Variants in ZDHHC7 observed in about 807,000 individuals in gnomAD.
ZDHHC7 encodes the protein zDHHC palmitoyltransferase 7, also known as palmitoyltransferase ZDHHC7.
In ZDHHC7, 12 loss-of-function variants were observed where a neutral mutation model predicts 34.1. The ratio of observed to expected loss-of-function variants is 0.35; its 90% CI spans 0.23 to 0.57. The LOEUF is 0.57. Ranked by LOEUF, ZDHHC7 falls within the 20% of genes least tolerant of loss-of-function variation. ZDHHC7 has a pLI of 0.84. For missense variants in ZDHHC7, 388 were observed against 402.7 expected, an observed-to-expected ratio of 0.96 and a Z score of 0.31; for synonymous variants, 185 against 155.4, an observed-to-expected ratio of 1.19 and a Z score of -1.42.
chr16:84,977,018 ATTG>A (rs1555513200), intron 7 of ZDHHC7, 74 bp downstream of exon 7: 1 of 1,578,032 alleles, frequency 6.3e-7, no homozygotes, highest in Non-Finnish European at 8.6e-7. Flanking sequence ...ACAGGCACCT[ATTG>A]TTGACATTAG....
chr16:84,982,838 A>T (rs1324181048), intron 3 of ZDHHC7, among the ~76,000 whole-genome samples: 1 of 152,222 alleles, frequency 6.6e-6, no homozygotes, highest in Non-Finnish European at 1.5e-5. Context: ...GAAGCAGCGG[A>T]AAGAGGAGTT....
intron 1 of ZDHHC7, among the ~76,000 whole-genome samples, chr16:84,998,162 G>T (rs1407660508): frequency 6.6e-6 from 1 of 151,398 alleles, no homozygotes; most frequent in Non-Finnish European, 1.5e-5. Context: ...TACTCGGGAG[G>T]CTGAGACAGG....
intron 3 of ZDHHC7, among the ~76,000 whole-genome samples, chr16:84,984,176 C>T (rs1327901138): frequency 6.6e-6 from 1 of 152,034 alleles, no homozygotes; most frequent in African/African-American, 2.4e-5. Context: ...TGCGCCACCA[C>T]ACCCGGCTAA....
chr16:84,982,625 T>C (rs1158203271), intron 3 of ZDHHC7, among the ~76,000 whole-genome samples: 1 of 152,192 alleles, frequency 6.6e-6, no homozygotes, highest in African/African-American at 2.4e-5. Flanking sequence ...AGGACTTTAA[T>C]TTCGTGTTGC....
the ZDHHC7 span, among the ~76,000 whole-genome samples, chr16:85,017,841 C>A: frequency 6.6e-6 from 1 of 152,256 alleles, no homozygotes; most frequent in South Asian, 2.1e-4. Flanking sequence ...GGAATGCGGG[C>A]GGACTCAAAA....
the ZDHHC7 span, among the ~76,000 whole-genome samples, chr16:85,024,010 C>T: frequency 2.0e-5 from 3 of 152,244 alleles, no homozygotes; most frequent in Non-Finnish European, 2.9e-5. Flanking sequence ...CTCCACCTCC[C>T]GGGTTCAAGC....
chr16:84,994,368 T>C (rs1179611731), intron 2 of ZDHHC7, among the ~76,000 whole-genome samples: 2 of 152,168 alleles, frequency 1.3e-5, no homozygotes, highest in African/African-American at 2.4e-5. Flanking sequence ...AGCTGAAAAA[T>C]TCCTCTGAGC....
intron 3 of ZDHHC7, among the ~76,000 whole-genome samples, chr16:84,982,926 C>A (rs913890623): frequency 2.0e-5 from 3 of 152,232 alleles, no homozygotes; most frequent in African/African-American, 7.2e-5. Flanking sequence ...CAACTGAGGA[C>A]CCGCTGTAGG....
At chr16:85,005,993 T>TA (rs970470300) in intron 1 of ZDHHC7, among the ~76,000 whole-genome samples, 31 of 152,312 alleles carry the variant, frequency 2.0e-4, no homozygotes, top group African/African-American at 7.5e-4. Context: ...CTCTAGCCTG[T>TA]ACCTCTGCAG....
intron 5 of ZDHHC7, chr16:84,978,223 G>C: frequency 2.5e-6 from 1 of 405,452 alleles, no homozygotes; most frequent in South Asian, 3.2e-5. Context: ...AGTAGAGATG[G>C]GGTTTCACCA....
chr16:84,990,236 G>C, intron 3 of ZDHHC7, 68 bp downstream of exon 3: 1 of 1,547,674 alleles, frequency 6.5e-7, no homozygotes, highest in African/African-American at 1.4e-5. Context: ...TCCTCCAAAG[G>C]GTCAGCCACA....
intron 3 of ZDHHC7, among the ~76,000 whole-genome samples, chr16:84,984,114 G>A (rs945955037): frequency 2.0e-5 from 3 of 151,630 alleles, no homozygotes; most frequent in African/African-American, 7.3e-5. Context: ...CTGCCTCCGG[G>A]GTTCAAGCGA....
At chr16:84,999,635 T>C (rs867704965) in intron 1 of ZDHHC7, among the ~76,000 whole-genome samples, 1 of 152,170 alleles carries the variant, frequency 6.6e-6, no homozygotes, top group South Asian at 2.1e-4. Context: ...TGTGATTCTA[T>C]GTGTATGATA....
chr16:85,026,952 G>A, the ZDHHC7 span, among the ~76,000 whole-genome samples: 1 of 152,292 alleles, frequency 6.6e-6, no homozygotes, highest in African/African-American at 2.4e-5. Flanking sequence ...GGGAGGGGCT[G>A]TCAGTTTATG....
chr16:84,976,210 C>G lies in ZDHHC7; in HGVS notation c.*133G>C. ...TCTGTGACTATAAATATATAAAACT[C>G]TGCTTGCTGCAAGCAATTGGTTTGT... On this transcript the variant is annotated 3_prime_UTR_variant, in exon 8 of 8. Transcript: ENST00000313732. 8.8e-7 allele frequency: 1 copy of G among 1,135,996 alleles called. No homozygotes were observed. Among genetic ancestry groups the G allele is most frequent in the South Asian group, 1.5e-5 (1 of 67,884 alleles). The allele number at this position is 1,135,996 out of a possible 1,614,324, so 70.4% of individuals were successfully genotyped here. A position where few individuals can be genotyped will look rare whatever the true frequency, so the allele number is the denominator to read the frequency against.
chr16:84,992,177 G>C (rs28535683), intron 2 of ZDHHC7, among the ~76,000 whole-genome samples: 4,426 of 151,192 alleles, frequency 0.029, 219 homozygotes, highest in African/African-American at 0.1. Context: ...GAAAAGAAAA[G>C]AAAAAAGTGG....
At chr16:84,984,409 C>T (rs1204803917) in intron 3 of ZDHHC7, among the ~76,000 whole-genome samples, 1 of 152,118 alleles carries the variant, frequency 6.6e-6, no homozygotes, top group Non-Finnish European at 1.5e-5. Context: ...ATATATGCCC[C>T]AGGTGACAGT....
chr16:85,018,744 C>T, the ZDHHC7 span, among the ~76,000 whole-genome samples: 1 of 152,036 alleles, frequency 6.6e-6, no homozygotes, highest in Admixed American at 6.6e-5. Flanking sequence ...GCCACTGCGC[C>T]CAGCTGGTGT....
At chr16:85,012,006 C>A (rs528772306), upstream of ZDHHC7, among the ~76,000 whole-genome samples, 31 of 152,338 alleles carry the variant, frequency 2.0e-4, no homozygotes, top group Admixed American at 5.9e-4. Context: ...GAGCCCCCGG[C>A]CTCCTCCTTG....
Sources: allele counts gnomAD v4.1 joint callset (sites outside exome capture counted in the v4.1 genomes callset), GRCh38; gene constraint gnomAD v4.1.1; transcripts MANE v1.5; gene names NCBI Gene and HGNC (gene_info 2026-07-23, HGNC 2026-07-21).